RNF34: variants seen among roughly 807,000 people sequenced by gnomAD.
The protein encoded by RNF34 is ring finger protein 34.
Under a neutral mutation model 37.9 loss-of-function variants are expected in RNF34, and 12 were observed. The observed-to-expected ratio is 0.32, with a 90% CI of 0.20 to 0.51. RNF34 has a LOEUF of 0.51. Among genes scored for constraint, RNF34 ranks in the 20% least tolerant of loss-of-function variants. The probability of loss-of-function intolerance (pLI) is 0.97; values close to 1 mark genes in which losing one functional copy is unlikely to be tolerated. For synonymous variants in RNF34, 155 were observed against 177.2 expected (o/e 0.87, Z 1.00); for missense variants, 362 against 472.7 (o/e 0.77, Z 2.17).
At chr12:121,404,421 GTC>G (rs1294278099) in intron 1 of RNF34, among the ~76,000 whole-genome samples, 5 of 99,986 alleles carry the variant, frequency 5.0e-5, no homozygotes, top group African/African-American at 2.0e-4. Flanking sequence ...TTGAGATGGA[GTC>G]TCTCTTTGTT....
intron 1 of RNF34, chr12:121,409,516 C>T (rs1448858308): frequency 7.2e-5 from 11 of 152,160 alleles, no homozygotes; most frequent in Admixed American, 7.2e-4. Context: ...GACATCTTCC[C>T]TTTGACTGAG....
chr12:121,415,814 T>C (rs1406188018), intron 1 of RNF34, among the ~76,000 whole-genome samples: 2 of 147,860 alleles, frequency 1.4e-5, no homozygotes, highest in Non-Finnish European at 3.0e-5. Flanking sequence ...ATCCCAAATA[T>C]ACCACAGGAC....
chr12:121,405,819 A>G (rs1331546547), intron 1 of RNF34, among the ~76,000 whole-genome samples: 1 of 119,912 alleles, frequency 8.3e-6, no homozygotes, highest in African/African-American at 3.3e-5. Context: ...CTTGAGACGG[A>G]GTCTTGCTCT....
chr12:121,420,540 T>C (rs781943892), intron 4 of RNF34, 37 bp from the exon 5 acceptor site: 3 of 1,606,670 alleles, frequency 1.9e-6, no homozygotes, highest in Non-Finnish European at 2.6e-6. Flanking sequence ...GGTCTGGACT[T>C]ATGGGACCAG....
intron 1 of RNF34, among the ~76,000 whole-genome samples, chr12:121,411,446 A>T (rs553022776): frequency 3.3e-5 from 5 of 152,144 alleles, no homozygotes; most frequent in African/African-American, 4.8e-5. Context: ...TGAAAAAAAA[A>T]TTTTCAGCCT....
intron 1 of RNF34, among the ~76,000 whole-genome samples, chr12:121,409,943 G>A (rs753139753): frequency 6.6e-5 from 10 of 151,918 alleles, no homozygotes; most frequent in Non-Finnish European, 1.3e-4. Context: ...ATCATCTGAG[G>A]TCAGGAGTTC....
intron 3 of RNF34, chr12:121,419,991 A>G (rs1173007555): frequency 2.6e-6 from 1 of 381,914 alleles, no homozygotes; most frequent in African/African-American, 2.1e-5. Flanking sequence ...TGAGAGAGTT[A>G]ATACTCTGGT....
intron 2 of RNF34, 123 bp downstream of exon 2, chr12:121,416,500 A>C: frequency 1.4e-6 from 1 of 700,224 alleles, no homozygotes; most frequent in Non-Finnish European, 2.4e-6. Flanking sequence ...TAGTTCCATT[A>C]GCCATTTTCC....
At chr12:121,400,289 C>T in intron 1 of RNF34, 71 bp downstream of exon 1, 1 of 1,552,156 alleles carries the variant, frequency 6.4e-7, no homozygotes, top group Non-Finnish European at 8.7e-7. Context: ...GAAGCGCCTC[C>T]TTTCTTTCCG....
intron 4 of RNF34, 63 bp from the exon 5 acceptor site, chr12:121,420,514 A>C: frequency 6.3e-7 from 1 of 1,582,814 alleles, no homozygotes; most frequent in Non-Finnish European, 8.7e-7. Flanking sequence ...GCCAGTGATG[A>C]GTTTAGAGTG....
chr12:121,407,137 A>C (rs1338904349), intron 1 of RNF34, among the ~76,000 whole-genome samples: 1 of 152,088 alleles, frequency 6.6e-6, no homozygotes, highest in African/African-American at 2.4e-5. Context: ...TACTTCTTAC[A>C]TACCACTTGG....
At chr12:121,411,363 T>G (rs1555281351) in intron 1 of RNF34, among the ~76,000 whole-genome samples, 1 of 151,754 alleles carries the variant, frequency 6.6e-6, no homozygotes, top group East Asian at 1.9e-4. Flanking sequence ...CCTCCAAAAT[T>G]GGTATCTACA....
intron 4 of RNF34, 37 bp downstream of exon 4, chr12:121,420,371 T>C (rs1251980728): frequency 1.3e-6 from 2 of 1,554,668 alleles, no homozygotes; most frequent in Non-Finnish European, 1.7e-6. Context: ...CCCTGACATG[T>C]CAGCCTGACA....
Position 121,416,290 on chromosome 12 carries a change from G to A in RNF34, c.138G>A (p.Glu46=), listed in dbSNP as rs200788702. The change falls in exon 2 of 6, where the codon GAG becomes GAA. Residue 46 remains glutamate, a synonymous_variant. Transcript: ENST00000361234. ...CATTCAGATTTACACCAAACCCTGA[G>A]TTTTCCACCTACCCACCAGCAGCTA... ...TGPFRFTPNP[E]FSTYPPAATE... is the part of the protein sequence containing the mutation. 1.9e-6 allele frequency: 3 copies of A among 1,614,142 alleles called. No individual in the cohort carries two copies. Among genetic ancestry groups the A allele is most frequent in the East Asian group, 4.5e-5 (2 of 44,882 alleles).
At chr12:121,418,036 C>G in intron 3 of RNF34, 125 bp downstream of exon 3, 3 of 1,026,196 alleles carry the variant, frequency 2.9e-6, no homozygotes, top group Non-Finnish European at 4.3e-6. Context: ...GAAGCTTCCA[C>G]ACCCAGCTGA....
intron 1 of RNF34, chr12:121,402,671 C>A: frequency 3.1e-6 from 3 of 953,584 alleles, no homozygotes; most frequent in Non-Finnish European, 3.2e-6. Context: ...TTCTTCCAAG[C>A]TCAAAATGAG....
At chr12:121,400,370 C>A in intron 1 of RNF34, 152 bp downstream of exon 1, 1 of 926,304 alleles carries the variant, frequency 1.1e-6, no homozygotes, top group Non-Finnish European at 1.6e-6. Context: ...CTTCAGGTGC[C>A]CCAACCGAGC....
In RNF34 at chr12:121,400,137, G is replaced by A. The variant is rs1347143593; in HGVS notation, c.-76G>A. 8.4e-6 allele frequency: 13 copies of A among 1,544,686 alleles called. No individual in the cohort carries two copies. The Admixed American group carries it at 2.1e-4, about 24-fold the overall frequency. On this transcript the variant is annotated 5_prime_UTR_variant, in exon 1 of 6. Coordinates refer to ENST00000361234, the MANE Select transcript of RNF34 (RefSeq NM_025126.4). ...CGCGGTAATCACCGCCCAGAGGGAAGGAGGTCGGCAGTGTGAGGAGCTGCT... is the reference window on the plus strand; with the variant it reads ...CGCGGTAATCACCGCCCAGAGGGAAAGAGGTCGGCAGTGTGAGGAGCTGCT...
At chr12:121,415,840 C>CTTTTTTTT (rs782608817) in intron 1 of RNF34, among the ~76,000 whole-genome samples, 1 of 108,088 alleles carries the variant, frequency 9.3e-6, no homozygotes, top group Non-Finnish European at 1.8e-5. Context: ...TTTGTCCAGT[C>CTTTTTTTT]TTTTTTTTTT....
Sources: allele counts gnomAD v4.1 joint callset (sites outside exome capture counted in the v4.1 genomes callset), GRCh38; gene constraint gnomAD v4.1.1; transcripts MANE v1.5; gene names NCBI Gene and HGNC (gene_info 2026-07-23, HGNC 2026-07-21).